PKD1L1: variants seen among roughly 807,000 people sequenced by gnomAD.
The protein encoded by PKD1L1 is polycystin 1 like 1, transient receptor potential channel interacting.
A neutral mutation model predicts 323.4 loss-of-function variants in PKD1L1; 236 were observed. The ratio of observed to expected loss-of-function variants is 0.73; its 90% CI spans 0.66 to 0.81. The LOEUF (loss-of-function observed/expected upper bound fraction) is 0.81, where lower values mean the gene tolerates loss of function less well. Ranked by LOEUF, PKD1L1 falls within the 40% of genes least tolerant of loss-of-function variation. The probability of loss-of-function intolerance (pLI) is 0.00; values close to 1 mark genes in which losing one functional copy is unlikely to be tolerated. For missense variants in PKD1L1, 3,320 were observed against 3,508.0 expected (o/e 0.95, Z 1.35); for synonymous variants, 1,344 against 1,335.0 (o/e 1.01, Z -0.15).
At chr7:47,829,678 C>T in intron 43 of PKD1L1, 77 bp from the exon 44 acceptor site, 1 of 1,419,692 alleles carries the variant, frequency 7.0e-7, no homozygotes, top group South Asian at 1.4e-5. Context: ...CCTCCCGTCC[C>T]CTAATCATGA....
At chr7:47,930,220 GT>G (rs760416371) in intron 6 of PKD1L1, among the ~76,000 whole-genome samples, 531 of 145,408 alleles carry the variant, frequency 3.7e-3, no homozygotes, top group African/African-American at 0.011. Context: ...ATGCTCCCAT[GT>G]TTTTTTTTTT....
At chr7:47,855,083 TA>T in intron 29 of PKD1L1, 44 bp from the exon 30 acceptor site, 3 of 1,607,974 alleles carry the variant, frequency 1.9e-6, no homozygotes, top group Non-Finnish European at 2.5e-6. Flanking sequence ...TTGCCTTTGG[TA>T]AAATAAACAC....
chr7:47,846,251 A>C (rs1178756913), intron 32 of PKD1L1, among the ~76,000 whole-genome samples: 1 of 152,256 alleles, frequency 6.6e-6, no homozygotes, highest in Non-Finnish European at 1.5e-5. Flanking sequence ...TAAGGGCAAC[A>C]AAAAAGAATG....
Position 47,946,378 on chromosome 7 carries a change from CCACACCACACT to C in PKD1L1, c.44+2008_44+2018del, listed in dbSNP as rs1583696954. On this transcript the variant is annotated intron_variant, in intron 1 of 56. Transcript: ENST00000289672. The surrounding 1 kb of genome is among the most constrained non-coding windows in gnomAD (Gnocchi z 4.1). ...CACAAACACACACCACACACTCACA[CCACACCACACT>C]CACACCACACAAACACACCACACAG... Among the ~76,000 whole-genome samples, 1 of 148,166 alleles carries C rather than the reference CCACACCACACT, an allele frequency of 6.7e-6. No homozygotes were observed. The highest frequency in any genetic ancestry group is 1.5e-5 in the Non-Finnish European group (1 of 67,104).
chr7:47,809,633 T>A, intron 50 of PKD1L1, 56 bp from the exon 51 acceptor site: 1 of 1,356,954 alleles, frequency 7.4e-7, no homozygotes, highest in East Asian at 2.6e-5. Flanking sequence ...AAATTGTTTT[T>A]TGAAGGTCTA....
intron 41 of PKD1L1, among the ~76,000 whole-genome samples, chr7:47,831,711 C>T (rs558909728): frequency 2.6e-5 from 4 of 152,332 alleles, no homozygotes; most frequent in Admixed American, 6.5e-5. Flanking sequence ...TGAGCAGCAA[C>T]TCCTGCCTTG....
intron 21 of PKD1L1, among the ~76,000 whole-genome samples, chr7:47,879,387 G>A (rs1786480140): frequency 2.0e-5 from 3 of 152,118 alleles, no homozygotes; most frequent in African/African-American, 7.2e-5. Context: ...CAGCACTTGT[G>A]GAGGCCAAGG....
At chr7:47,805,585 T>G (rs1271754535) in intron 52 of PKD1L1, among the ~76,000 whole-genome samples, 1 of 152,246 alleles carries the variant, frequency 6.6e-6, no homozygotes, top group Non-Finnish European at 1.5e-5. Flanking sequence ...TCTGAAAAGC[T>G]GGCCCTGAAC....
chr7:47,825,336 C>A (rs531151969), intron 45 of PKD1L1, among the ~76,000 whole-genome samples: 2 of 152,034 alleles, frequency 1.3e-5, no homozygotes, highest in South Asian at 2.1e-4. Flanking sequence ...TCAAGACCAG[C>A]CTGACCTACA....
rs888408414 is a variant in PKD1L1 at position 47,882,198 on chromosome 7, G to A, written c.3266-113C>T. ...ACTATTTGTACTATTGCTGGATACC[G>A]CCTATCTAATATAATGTCTTCAGCA... On this transcript the variant is annotated intron_variant, in intron 19 of 56. Transcript: ENST00000289672. 47 of 1,094,276 alleles carry A rather than the reference G, an allele frequency of 4.3e-5. 1 individual carries two copies. The highest frequency in any genetic ancestry group is 2.0e-4 in the South Asian group (14 of 69,128). 67.8% of individuals were successfully genotyped at this position (1,094,276 alleles called of 1,614,324 possible). A position where few individuals can be genotyped will look rare whatever the true frequency, so the allele number is the denominator to read the frequency against.
chr7:47,904,552 CT>C lies in PKD1L1; in HGVS notation c.1756del (p.Arg586GlyfsTer19). 6.2e-7 allele frequency: 1 copy of C among 1,614,162 alleles called. No homozygotes were observed. The highest frequency in any genetic ancestry group is 1.7e-5 in the Admixed American group (1 of 60,016). On this transcript the variant is annotated frameshift_variant, in exon 12 of 57. Transcript: ENST00000289672. LOFTEE classifies it high-confidence loss of function. ...SSVVSEPHVI[R>X]VQKKIVANRL... ...ATTGGCCACAATTTTCTTCTGCACCCTGATGACATGGGGCTCAGAGACCACA... is the reference window on the plus strand; with the variant it reads ...ATTGGCCACAATTTTCTTCTGCACCCGATGACATGGGGCTCAGAGACCACA...
At position 47,880,817 on chromosome 7, in the gene PKD1L1, A is replaced by T; in HGVS notation, c.3443-12T>A. On this transcript the variant is annotated splice_polypyrimidine_tract_variant and intron_variant, in intron 20 of 56. Coordinates refer to ENST00000289672, the MANE Select transcript of PKD1L1 (RefSeq NM_138295.5). ...CTGTTCTGTAATACCTGCAGAAAAG[A>T]CATGGCTGCATGGAAATGACAGTCA... 2 of 1,590,718 alleles carry T rather than the reference A, an allele frequency of 1.3e-6. No homozygotes were observed. Among genetic ancestry groups the T allele is most frequent in the Non-Finnish European group, 1.7e-6 (2 of 1,165,256 alleles).
At chr7:47,791,213 C>T (rs73103435) in intron 56 of PKD1L1, among the ~76,000 whole-genome samples, 6,281 of 152,198 alleles carry the variant, frequency 0.041, 195 homozygotes, top group Non-Finnish European at 0.067. Flanking sequence ...ATACCCTTTC[C>T]GTGTCTTACG....
chr7:47,948,101 G>C (rs1318677027), intron 1 of PKD1L1, among the ~76,000 whole-genome samples: 1 of 152,212 alleles, frequency 6.6e-6, no homozygotes, highest in Non-Finnish European at 1.5e-5. Context: ...GCAGCAGAAA[G>C]TCCTCGAACT....
chr7:47,803,414 G>T, intron 52 of PKD1L1, 70 bp from the exon 53 acceptor site: 1 of 1,554,914 alleles, frequency 6.4e-7, no homozygotes, highest in Non-Finnish European at 8.8e-7. Flanking sequence ...ATTCACAGCT[G>T]TCAGTCATGC....
intron 22 of PKD1L1, 91 bp downstream of exon 22, chr7:47,877,398 G>A (rs1356006867): frequency 4.0e-6 from 6 of 1,516,410 alleles, no homozygotes; most frequent in South Asian, 3.7e-5. Flanking sequence ...GAAGGACATT[G>A]CTGTCCATTC....
At chr7:47,923,718 A>G (rs1787602781) in intron 7 of PKD1L1, among the ~76,000 whole-genome samples, 2 of 152,026 alleles carry the variant, frequency 1.3e-5, no homozygotes, top group South Asian at 4.1e-4. Context: ...AGCCAACGCC[A>G]TTTATGAGGA....
intron 13 of PKD1L1, among the ~76,000 whole-genome samples, chr7:47,901,921 A>C (rs1464991851): frequency 6.6e-6 from 1 of 152,232 alleles, no homozygotes; most frequent in Non-Finnish European, 1.5e-5. Context: ...ATAGGTGTTC[A>C]ACAGATAACC....
intron 21 of PKD1L1, among the ~76,000 whole-genome samples, chr7:47,879,729 C>T (rs1322363734): frequency 2.0e-5 from 3 of 147,560 alleles, no homozygotes; most frequent in South Asian, 2.2e-4. Context: ...GTCAGGAGAT[C>T]GAGACCATCC....
Sources: gnomAD v4.1 joint callset for allele counts (sites outside exome capture counted in the v4.1 genomes callset) on GRCh38, gnomAD v4.1.1 for gene constraint, Gnocchi (gnomAD v3.1) non-coding constraint, MANE v1.5 for transcripts, NCBI Gene and HGNC (gene_info 2026-07-23, HGNC 2026-07-21) for gene names.